Variants in LAMB4 observed in about 807,000 individuals in gnomAD.
LAMB4 encodes the protein laminin subunit beta-4.
A neutral mutation model predicts 199.2 loss-of-function variants in LAMB4; 196 were observed. The observed-to-expected ratio is 0.98, with a 90% CI of 0.88 to 1.11. The LOEUF (loss-of-function observed/expected upper bound fraction) is 1.11. LAMB4 is among the 50% of genes least tolerant of loss of function. The pLI is 0.00. For synonymous variants in LAMB4, 744 were observed against 770.6 expected (o/e 0.97, Z 0.57); for missense variants, 2,080 against 2,171.2 (o/e 0.96, Z 0.83).
chr7:108,029,256 T>C, intron 32 of LAMB4, 60 bp from the exon 33 acceptor site: 1 of 1,439,206 alleles, frequency 6.9e-7, no homozygotes, highest in Non-Finnish European at 9.5e-7. Context: ...CATATATGCA[T>C]GATGATTCTC....
At chr7:108,104,844 T>G (rs2037945646) in intron 8 of LAMB4, among the ~76,000 whole-genome samples, 1 of 152,172 alleles carries the variant, frequency 6.6e-6, no homozygotes, top group Admixed American at 6.5e-5. Context: ...ACAATACTTT[T>G]TTTTTGGCTT....
At chr7:108,078,148 G>A in intron 16 of LAMB4, 53 bp downstream of exon 16, 2 of 1,209,398 alleles carry the variant, frequency 1.7e-6, no homozygotes, top group Non-Finnish European at 2.4e-6. Context: ...TTACTGATAA[G>A]TGAACAAAAT....
At chr7:108,092,603 G>A (rs947155123) in intron 12 of LAMB4, among the ~76,000 whole-genome samples, 187 bp from the exon 13 acceptor site, 4 of 152,250 alleles carry the variant, frequency 2.6e-5, no homozygotes, top group African/African-American at 9.6e-5. Flanking sequence ...CCCATCTCCA[G>A]GATTTGAAGT....
rs115630751 is a variant in LAMB4, at chr7:108,119,683, G to A, written c.34+3448C>T. On this transcript the variant is annotated intron_variant, in intron 2 of 33. Coordinates refer to ENST00000388781, the MANE Select transcript of LAMB4 (RefSeq NM_007356.3). ...ATCCTTGAGGTGGTGGAACTGTTCT[G>A]TATCTTGACTGTGGTGATGGGCACA... is the stretch of plus-strand genomic sequence containing the variant. 7.6e-3 allele frequency among the ~76,000 whole-genome samples: 1,156 copies of A among 152,272 alleles called. 7 individuals are homozygous for A. Among genetic ancestry groups the A allele is most frequent in the African/African-American group, 0.026 (1,090 of 41,540 alleles).
intron 14 of LAMB4, among the ~76,000 whole-genome samples, chr7:108,084,488 C>T (rs944687650): frequency 7.3e-5 from 11 of 151,592 alleles, no homozygotes; most frequent in African/African-American, 1.9e-4. Context: ...AAATTTTTTG[C>T]GACAGTGGAG....
At chr7:108,096,700 G>A (rs1010797547) in intron 11 of LAMB4, among the ~76,000 whole-genome samples, 9 of 151,324 alleles carry the variant, frequency 5.9e-5, no homozygotes, top group Non-Finnish European at 2.9e-5. Context: ...GGGAAGGTGA[G>A]GCGGAAGGGT....
intron 1 of LAMB4, among the ~76,000 whole-genome samples, chr7:108,124,462 GTATA>G (rs1227848057): frequency 2.0e-5 from 3 of 151,890 alleles, no homozygotes; most frequent in African/African-American, 7.3e-5. Flanking sequence ...TATAAAGATT[GTATA>G]TATATACACA....
intron 29 of LAMB4, among the ~76,000 whole-genome samples, 170 bp downstream of exon 29, chr7:108,043,582 T>G (rs2035506580): frequency 1.8e-5 from 1 of 55,890 alleles, no homozygotes; most frequent in Non-Finnish European, 2.8e-5. Flanking sequence ...TTTTTTTTTT[T>G]TTTTTTTTTT....
chr7:108,127,295 G>A (rs2038829197), intron 1 of LAMB4, among the ~76,000 whole-genome samples: 1 of 151,142 alleles, frequency 6.6e-6, no homozygotes, highest in South Asian at 2.1e-4. Flanking sequence ...AAGATTCCAG[G>A]TGAGTCCAAT....
downstream of LAMB4, among the ~76,000 whole-genome samples, chr7:108,018,700 G>T (rs910650919): frequency 3.9e-5 from 6 of 151,904 alleles, no homozygotes; most frequent in Non-Finnish European, 7.4e-5. Flanking sequence ...GCAAGACTCC[G>T]TCTCAAAAAC....
chr7:108,035,604 C>CAAAAAAAAAAAAAA (rs34425857), intron 30 of LAMB4, among the ~76,000 whole-genome samples: 4 of 79,944 alleles, frequency 5.0e-5, no homozygotes, highest in African/African-American at 9.3e-5. Context: ...TAGAGAGTAC[C>CAAAAAAAAAAAAAA]AAAAAAAAAA....
At chr7:108,059,005 G>GT (rs2036074279) in intron 23 of LAMB4, among the ~76,000 whole-genome samples, 3 of 151,422 alleles carry the variant, frequency 2.0e-5, no homozygotes, top group Admixed American at 6.6e-5. Context: ...AATATAAGGA[G>GT]TTAGGTGGTG....
At chr7:108,127,071 C>A (rs73725359) in intron 1 of LAMB4, among the ~76,000 whole-genome samples, 6,498 of 152,002 alleles carry the variant, frequency 0.043, 437 homozygotes, top group African/African-American at 0.15. Context: ...ATACCTAAAA[C>A]GGATTAATTT....
chr7:108,013,936 A>T, the LAMB4 span, among the ~76,000 whole-genome samples: 1 of 152,120 alleles, frequency 6.6e-6, no homozygotes, highest in Non-Finnish European at 1.5e-5. Flanking sequence ...GGGGAGCTGT[A>T]GGGGGAGTAG....
intron 14 of LAMB4, among the ~76,000 whole-genome samples, chr7:108,083,172 G>T (rs1325151127): frequency 1.3e-5 from 2 of 152,202 alleles, no homozygotes; most frequent in African/African-American, 2.4e-5. Context: ...GGGCAAGTGG[G>T]TTCCTTCTGT....
intron 1 of LAMB4, among the ~76,000 whole-genome samples, chr7:108,126,518 G>T (rs1297216806): frequency 1.4e-5 from 2 of 146,734 alleles, no homozygotes; most frequent in Non-Finnish European, 3.0e-5. Flanking sequence ...TGTCCTAAAG[G>T]TTCATCCATG....
Position 108,106,496 on chromosome 7 carries a change from A to C in LAMB4, c.655+13T>G, listed in dbSNP as rs1348230260. The stretch of plus-strand genomic sequence containing the variant: ...TTTTAAAGCTGATATGAAAAATATA[A>C]AGGAATTCATACCTTGGATGTAGGG... On this transcript the variant is annotated intron_variant, in intron 7 of 33. Coordinates refer to ENST00000388781, the MANE Select transcript of LAMB4 (RefSeq NM_007356.3). The C allele has an allele frequency of 6.8e-7, 1 of 1,477,634 alleles. No individual in the cohort carries two copies. The highest frequency in any genetic ancestry group is 9.3e-7 in the Non-Finnish European group (1 of 1,074,762). 91.5% of individuals were successfully genotyped at this position (1,477,634 alleles called of 1,614,324 possible). A position where few individuals can be genotyped will look rare whatever the true frequency, so the allele number is the denominator to read the frequency against.
intron 30 of LAMB4, among the ~76,000 whole-genome samples, chr7:108,037,151 C>A (rs2035258728): frequency 6.6e-6 from 1 of 151,946 alleles, no homozygotes. Flanking sequence ...AGGTATCAGG[C>A]CACTGGAAAG....
Position 108,036,194 on chromosome 7 carries a change from AT to A in LAMB4, c.4679+1193del, listed in dbSNP as rs564957239. ...CTTTTAATTGCTGTGTGATTACTTG[AT>A]TTTTTTTTTTTGAGACGGAGTTTCG... On this transcript the variant is annotated intron_variant, in intron 30 of 33. Transcript: ENST00000388781. 2.7e-4 allele frequency among the ~76,000 whole-genome samples: 39 copies of A among 142,318 alleles called. 1 individual carries two copies. Among genetic ancestry groups the A allele is most frequent in the South Asian group, 2.3e-4 (1 of 4,418 alleles). 93.4% of individuals were successfully genotyped at this position (142,318 alleles called of 152,430 possible).
Sources: allele counts gnomAD v4.1 joint callset (sites outside exome capture counted in the v4.1 genomes callset), GRCh38; gene constraint gnomAD v4.1.1; transcripts MANE v1.5; gene names NCBI Gene and HGNC (gene_info 2026-07-23, HGNC 2026-07-21).